The following NRG1 variants were observed in gnomAD, a reference collection of about 807,000 sequenced individuals.
NRG1 encodes pro-neuregulin-1, membrane-bound isoform.
Under a neutral mutation model 63.8 loss-of-function variants are expected in NRG1, and 18 were observed. That is an observed-to-expected ratio of 0.28 (90% CI 0.19 to 0.42). The LOEUF (loss-of-function observed/expected upper bound fraction) is 0.42, where lower values mean the gene tolerates loss of function less well. Ranked by LOEUF, NRG1 falls within the 10% of genes least tolerant of loss-of-function variation. The pLI is 1.00. For synonymous variants in NRG1, 302 were observed against 301.3 expected (o/e 1.00, Z -0.02); for missense variants, 762 against 814.7 (o/e 0.94, Z 0.79).
chr8:31,791,952 A>C (rs887420119), intron 1 of NRG1, among the ~76,000 whole-genome samples: 1 of 152,108 alleles, frequency 6.6e-6, no homozygotes, highest in African/African-American at 2.4e-5. Context: ...CACTGCTTAC[A>C]TGTTCTAGCT....
intron 5 of NRG1, among the ~76,000 whole-genome samples, chr8:32,677,925 C>G (rs1209899879): frequency 1.3e-5 from 2 of 152,120 alleles, no homozygotes. Context: ...ATCAAGTGTA[C>G]CTAATCAGGC....
chr8:31,819,574 C>T (rs192468153), intron 1 of NRG1, among the ~76,000 whole-genome samples: 1 of 152,276 alleles, frequency 6.6e-6, no homozygotes, highest in Admixed American at 6.5e-5. Flanking sequence ...CAACCCCCTA[C>T]ACAGTTGTTA....
intron 1 of NRG1, among the ~76,000 whole-genome samples, chr8:32,053,241 G>T (rs143081140): frequency 6.6e-6 from 1 of 152,110 alleles, no homozygotes; most frequent in Non-Finnish European, 1.5e-5. Flanking sequence ...CAAAAGGTGT[G>T]TGAGGGCTGT....
At chr8:32,760,970 A>G in intron 11 of NRG1, 1 of 986,398 alleles carries the variant, frequency 1.0e-6, no homozygotes, top group Non-Finnish European at 1.2e-6. Flanking sequence ...GGGATGAATA[A>G]ATAAATCTCT....
chr8:32,478,708 G>A (rs919573151), intron 1 of NRG1, among the ~76,000 whole-genome samples: 3 of 152,192 alleles, frequency 2.0e-5, no homozygotes, highest in Admixed American at 6.5e-5. Context: ...AGACAAAGGA[G>A]AAGGTAATCG....
chr8:32,712,007 G>A (rs566574216), intron 5 of NRG1, among the ~76,000 whole-genome samples: 80 of 152,202 alleles, frequency 5.3e-4, no homozygotes, highest in African/African-American at 1.5e-3. Flanking sequence ...GTGAGCCTGC[G>A]TAGGTAATAA....
chr8:32,051,085 C>T (rs1355728301), intron 1 of NRG1, among the ~76,000 whole-genome samples: 2 of 152,036 alleles, frequency 1.3e-5, no homozygotes, highest in East Asian at 1.9e-4. Flanking sequence ...TCACAGAAAC[C>T]TCACGACTTA....
At chr8:32,187,561 C>G (rs764052383) in intron 1 of NRG1, among the ~76,000 whole-genome samples, 1 of 152,130 alleles carries the variant, frequency 6.6e-6, no homozygotes, top group East Asian at 1.9e-4. Flanking sequence ...GGTTTGCTTC[C>G]TGCACAAGGA....
At chr8:32,012,326 A>T (rs1814889034) in intron 1 of NRG1, among the ~76,000 whole-genome samples, 1 of 152,092 alleles carries the variant, frequency 6.6e-6, no homozygotes, top group South Asian at 2.1e-4. Flanking sequence ...TTGTAGAGAG[A>T]AGATGAGCAT....
At chr8:32,057,515 G>A (rs1823140515) in intron 1 of NRG1, among the ~76,000 whole-genome samples, 1 of 152,102 alleles carries the variant, frequency 6.6e-6, no homozygotes, top group African/African-American at 2.4e-5. Flanking sequence ...CACTGGGTGT[G>A]AATTTGTCAA....
At chr8:32,362,084 T>C (rs1807293554) in intron 1 of NRG1, among the ~76,000 whole-genome samples, 1 of 152,340 alleles carries the variant, frequency 6.6e-6, no homozygotes, top group East Asian at 1.9e-4. Flanking sequence ...CAGCCTAGTT[T>C]AGATGGAATC....
intron 1 of NRG1, among the ~76,000 whole-genome samples, chr8:32,522,482 A>G (rs1398459043): frequency 6.6e-6 from 1 of 152,084 alleles, no homozygotes; most frequent in Non-Finnish European, 1.5e-5. Context: ...TTCCTGTCCT[A>G]TTACTGTGTT....
intron 1 of NRG1, among the ~76,000 whole-genome samples, chr8:32,121,461 A>G (rs1160693867): frequency 2.6e-5 from 4 of 151,548 alleles, no homozygotes; most frequent in African/African-American, 4.8e-5. Flanking sequence ...TAAAACCTCA[A>G]TTTCCTGGTG....
At chr8:31,768,414 G>A (rs1352176335) in intron 1 of NRG1, among the ~76,000 whole-genome samples, 1 of 152,164 alleles carries the variant, frequency 6.6e-6, no homozygotes, top group Non-Finnish European at 1.5e-5. Context: ...ATCTTGAGTT[G>A]CTGTGGTAAT....
At chr8:32,407,310 A>G (rs1366045347) in intron 1 of NRG1, among the ~76,000 whole-genome samples, 5 of 11,164 alleles carry the variant, frequency 4.5e-4, no homozygotes, top group South Asian at 5.1e-3. Flanking sequence ...ATATATATAT[A>G]TATATATATT....
intron 6 of NRG1, among the ~76,000 whole-genome samples, chr8:32,738,010 G>A (rs1286136074): frequency 6.6e-6 from 1 of 152,042 alleles, no homozygotes; most frequent in Non-Finnish European, 1.5e-5. Flanking sequence ...ATCAGATACG[G>A]ACGCTGTGGT....
chr8:32,548,915 C>T (rs941231156), intron 1 of NRG1, 89 bp downstream of exon 1: 30 of 1,431,330 alleles, frequency 2.1e-5, no homozygotes, highest in Admixed American at 2.4e-5. Flanking sequence ...CTCTCCCTCC[C>T]CCTCTCCCTC....
chr8:32,408,984 G>T (rs1018717268), intron 1 of NRG1, among the ~76,000 whole-genome samples: 1 of 152,056 alleles, frequency 6.6e-6, no homozygotes, highest in African/African-American at 2.4e-5. Context: ...GTAAGAACAT[G>T]CAATATTTGA....
chr8:32,645,262 G>T (rs1047442514), intron 5 of NRG1, among the ~76,000 whole-genome samples: 3 of 152,128 alleles, frequency 2.0e-5, no homozygotes, highest in Admixed American at 1.3e-4. Flanking sequence ...TGTAAGAGAG[G>T]TCTCACTGCT....
Sources: gnomAD v4.1 joint callset for allele counts (sites outside exome capture counted in the v4.1 genomes callset) on GRCh38, gnomAD v4.1.1 for gene constraint, MANE v1.5 for transcripts, NCBI Gene and HGNC (gene_info 2026-07-23, HGNC 2026-07-21) for gene names.